The following ARHGEF18 variants were observed in gnomAD, a reference collection of about 807,000 sequenced individuals.
The protein encoded by ARHGEF18 is Rho/Rac guanine nucleotide exchange factor 18, also known as rho guanine nucleotide exchange factor 18.
A neutral mutation model predicts 155.7 loss-of-function variants in ARHGEF18; 93 were observed. The ratio of observed to expected loss-of-function variants is 0.60; its 90% CI spans 0.50 to 0.71. The LOEUF (loss-of-function observed/expected upper bound fraction) is 0.71. ARHGEF18 is among the 30% of genes least tolerant of loss of function. The probability of loss-of-function intolerance (pLI) is 0.00; values close to 1 mark genes in which losing one functional copy is unlikely to be tolerated. For synonymous variants in ARHGEF18, 742 were observed against 753.1 expected (o/e 0.99, Z 0.24); for missense variants, 1,593 against 1,816.1 (o/e 0.88, Z 2.23).
intron 10 of ARHGEF18, among the ~76,000 whole-genome samples, chr19:7,410,531 G>A (rs1972611503): frequency 6.6e-6 from 1 of 151,970 alleles, no homozygotes; most frequent in Admixed American, 6.6e-5. Flanking sequence ...TTCAGGGGCT[G>A]GGCATGGTGG....
At chr19:7,368,068 T>C (rs1446627761) in intron 2 of ARHGEF18, among the ~76,000 whole-genome samples, 1 of 142,174 alleles carries the variant, frequency 7.0e-6, no homozygotes, top group Non-Finnish European at 1.5e-5. Context: ...TGCTCTATGA[T>C]TTACTTGCCA....
chr19:7,389,185 C>G (rs561413661), intron 10 of ARHGEF18, among the ~76,000 whole-genome samples: 27 of 150,950 alleles, frequency 1.8e-4, no homozygotes, highest in African/African-American at 6.1e-4. Context: ...GAGTCTCGCT[C>G]TGTTGCCCAG....
At chr19:7,450,724 T>A in intron 15 of ARHGEF18, among the ~76,000 whole-genome samples, 2 of 152,298 alleles carry the variant, frequency 1.3e-5, no homozygotes, top group African/African-American at 4.8e-5. Context: ...TGCAAGATCT[T>A]GCTTTCCGTT....
At position 7,463,601 on chromosome 19, in the gene ARHGEF18, A is replaced by C. The variant is rs1441864310; in HGVS notation, c.2636-217A>C. ...GGCTGCCCCACAGCCCTGTCCTCTC[A>C]CTTAGACGCAGATTGGCCTGTCCTG... is the stretch of plus-strand genomic sequence containing the variant. On this transcript the variant is annotated intron_variant, in intron 21 of 28. Transcript: ENST00000668164. This position sits in a 1 kb window ranked among gnomAD's most constrained non-coding sequence, Gnocchi z 5.2. 1.3e-5 allele frequency among the ~76,000 whole-genome samples: 2 copies of C among 152,012 alleles called. No homozygotes were observed. The highest frequency in any genetic ancestry group is 4.8e-5 in the African/African-American group (2 of 41,408).
At chr19:7,356,937 C>T (rs550478381) in intron 1 of ARHGEF18, among the ~76,000 whole-genome samples, 22 of 152,196 alleles carry the variant, frequency 1.4e-4, no homozygotes, top group East Asian at 5.8e-4. Context: ...GGCACTGTGC[C>T]GGGGTCAGGG....
chr19:7,362,400 C>A (rs1479309657), intron 1 of ARHGEF18, among the ~76,000 whole-genome samples: 1 of 151,968 alleles, frequency 6.6e-6, no homozygotes, highest in Non-Finnish European at 1.5e-5. Flanking sequence ...GTCTACGGGA[C>A]CATTAGCATC....
At chr19:7,412,311 G>A (rs528600383) in intron 10 of ARHGEF18, among the ~76,000 whole-genome samples, 7 of 112,490 alleles carry the variant, frequency 6.2e-5, no homozygotes, top group African/African-American at 1.4e-4. Context: ...CACCGCGCCC[G>A]GCCTATGCTA....
chr19:7,440,415 A>G lies in ARHGEF18; in HGVS notation c.1039A>G (p.Met347Val), dbSNP rs1462734362. 1 of 1,605,568 alleles carries G rather than the reference A, an allele frequency of 6.2e-7. No individual in the cohort carries two copies. The highest frequency in any genetic ancestry group is 8.5e-7 in the Non-Finnish European group (1 of 1,179,966). ...CCCGGCCCTGTCCAGGAATGTCGGTATGACGGTCTCTCAGAAAGGGGGTCC... is the reference window on the plus strand; with the variant it reads ...CCCGGCCCTGTCCAGGAATGTCGGTGTGACGGTCTCTCAGAAAGGGGGTCC... ...GSPALSRNVGMTVSQKGGPQP... is the reference protein window; with the variant it reads ...GSPALSRNVGVTVSQKGGPQP... Residue 347 changes from methionine to valine, a missense_variant, in exon 11 of 29, where the codon ATG becomes GTG. Physicochemically the swap from Met to Val is conservative, Grantham distance 21. Transcript: ENST00000668164. This position sits in a 1 kb window ranked among gnomAD's most constrained non-coding sequence, Gnocchi z 5.4.
intron 10 of ARHGEF18, among the ~76,000 whole-genome samples, chr19:7,414,815 G>A (rs201186062): frequency 6.0e-5 from 7 of 117,554 alleles, no homozygotes; most frequent in Admixed American, 9.2e-5. Flanking sequence ...CAAAAAAAAA[G>A]AAAAAAACAA....
At chr19:7,453,346 C>T (rs1286780804) in intron 16 of ARHGEF18, 121 bp from the exon 17 acceptor site, 4 of 1,197,678 alleles carry the variant, frequency 3.3e-6, no homozygotes, top group Non-Finnish European at 4.5e-6. Flanking sequence ...ATAGATCCCA[C>T]ACGCCCATAC....
chr19:7,456,573 C>T (rs187744961), intron 18 of ARHGEF18, among the ~76,000 whole-genome samples, 170 bp downstream of exon 18: 6 of 151,964 alleles, frequency 3.9e-5, no homozygotes, highest in East Asian at 3.9e-4. Context: ...AAAAATTAGC[C>T]GGGCATGGTG....
intron 3 of ARHGEF18, among the ~76,000 whole-genome samples, chr19:7,374,891 C>T (rs1448930153): frequency 3.3e-5 from 5 of 152,138 alleles, no homozygotes; most frequent in Non-Finnish European, 5.9e-5. Flanking sequence ...CACCATGCAC[C>T]CCACAGTGGC....
chr19:7,352,215 G>T (rs1969175722), intron 1 of ARHGEF18, among the ~76,000 whole-genome samples: 1 of 151,764 alleles, frequency 6.6e-6, no homozygotes, highest in Non-Finnish European at 1.5e-5. Context: ...CAGGCAGTTA[G>T]AGAAAGGAAA....
At chr19:7,465,773 G>A (rs1265517423) in intron 23 of ARHGEF18, among the ~76,000 whole-genome samples, 1 of 151,946 alleles carries the variant, frequency 6.6e-6, no homozygotes, top group Non-Finnish European at 1.5e-5. Flanking sequence ...ACCACATGTC[G>A]ACAAAATATT....
chr19:7,457,030 C>A (rs961828067), intron 18 of ARHGEF18, among the ~76,000 whole-genome samples: 1 of 152,176 alleles, frequency 6.6e-6, no homozygotes, highest in African/African-American at 2.4e-5. Context: ...GCCACCGTGC[C>A]CAGCTGCTGG....
chr19:7,406,738 G>A (rs888353709), intron 10 of ARHGEF18, among the ~76,000 whole-genome samples: 3 of 152,114 alleles, frequency 2.0e-5, no homozygotes, highest in African/African-American at 7.2e-5. Flanking sequence ...TCCTAGCGTA[G>A]GAGCTGGTTG....
At chr19:7,394,908 T>A in intron 10 of ARHGEF18, 2 of 223,978 alleles carry the variant, frequency 8.9e-6, no homozygotes, top group Non-Finnish European at 1.4e-5. Context: ...GACCCGCCCC[T>A]CAAAAGTCGC....
Position 7,470,227 on chromosome 19 carries a change from C to G in ARHGEF18, c.4015C>G (p.Pro1339Ala), listed in dbSNP as rs1306664417. Reference sequence around the variant, plus strand: ...AGCCCTCCTGCCCGGGCCCCCAGCTCCCTCGCCACTGCCGGCCACACCACT... The same window carrying G: ...AGCCCTCCTGCCCGGGCCCCCAGCTGCCTCGCCACTGCCGGCCACACCACT... ...GTALLPGPPA[P>A]SPLPATPLSA... Residue 1339 changes from proline to alanine, a missense_variant, in exon 29 of 29, where the codon CCC becomes GCC. Coordinates refer to ENST00000668164, the MANE Select transcript of ARHGEF18 (RefSeq NM_001367823.1). This position sits in a 1 kb window ranked among gnomAD's most constrained non-coding sequence, Gnocchi z 5.9. The G allele has an allele frequency of 1.2e-6, 2 of 1,609,094 alleles. No individual in the cohort carries two copies. Among genetic ancestry groups the G allele is most frequent in the East Asian group, 2.2e-5 (1 of 44,618 alleles).
chr19:7,388,666 C>T (rs925323628), intron 10 of ARHGEF18, among the ~76,000 whole-genome samples: 1 of 151,858 alleles, frequency 6.6e-6, no homozygotes, highest in South Asian at 2.1e-4. Flanking sequence ...CTGCAACCTC[C>T]GCCTCCCAGG....
Sources: allele counts gnomAD v4.1 joint callset (sites outside exome capture counted in the v4.1 genomes callset), GRCh38; gene constraint gnomAD v4.1.1; non-coding constraint Gnocchi (gnomAD v3.1); transcripts MANE v1.5; gene names NCBI Gene and HGNC (gene_info 2026-07-23, HGNC 2026-07-21).